The following PLA2G4D variants were observed in gnomAD, a reference collection of about 807,000 sequenced individuals.
PLA2G4D encodes phospholipase A2 group IVD.
Under a neutral mutation model 94.4 loss-of-function variants are expected in PLA2G4D, and 80 were observed. That is an observed-to-expected ratio of 0.85 (90% CI 0.71 to 1.02). The LOEUF (loss-of-function observed/expected upper bound fraction) is 1.02, where lower values mean the gene tolerates loss of function less well. Among genes scored for constraint, PLA2G4D ranks in the 50% least tolerant of loss-of-function variants. The probability of loss-of-function intolerance (pLI) is 0.00; values close to 1 mark genes in which losing one functional copy is unlikely to be tolerated. For missense variants in PLA2G4D, 1,050 were observed against 1,034.7 expected, an observed-to-expected ratio of 1.01 and a Z score of -0.20; for synonymous variants, 438 against 440.9, an observed-to-expected ratio of 0.99 and a Z score of 0.08.
Position 42,068,583 on chromosome 15 carries a change from T to A in PLA2G4D, c.*132A>T. ...TGTGTGTGCAGTTCCCTCTGGGCAGTGAGACCAGCTACAGAGGCCACCCAG... is the reference window on the plus strand; with the variant it reads ...TGTGTGTGCAGTTCCCTCTGGGCAGAGAGACCAGCTACAGAGGCCACCCAG... On this transcript the variant is annotated 3_prime_UTR_variant, in exon 20 of 20. Coordinates refer to ENST00000290472, the MANE Select transcript of PLA2G4D (RefSeq NM_178034.4). The A allele has an allele frequency of 1.3e-6, 1 of 772,700 alleles. No homozygotes were observed. The highest frequency in any genetic ancestry group is 2.0e-6 in the Non-Finnish European group (1 of 489,538). 47.9% of individuals were successfully genotyped at this position (772,700 alleles called of 1,614,324 possible).
chr15:42,083,089 A>G, intron 8 of PLA2G4D, 109 bp downstream of exon 8: 1 of 1,440,368 alleles, frequency 6.9e-7, no homozygotes, highest in Admixed American at 2.3e-5. Flanking sequence ...GAGGCTGACA[A>G]GGCCACAGGG....
intron 10 of PLA2G4D, 22 bp from the exon 11 acceptor site, chr15:42,081,636 G>A (rs1241563531): frequency 1.9e-6 from 3 of 1,613,060 alleles, no homozygotes; most frequent in Admixed American, 3.3e-5. Context: ...GAGGATCCAG[G>A]GGTCAGGGGA....
Position 42,082,905 on chromosome 15 carries a change from G to A in PLA2G4D, c.672+293C>T, listed in dbSNP as rs192424469. 2.0e-3 allele frequency among the ~76,000 whole-genome samples: 308 copies of A among 152,304 alleles called. 1 individual carries two copies. The highest frequency in any genetic ancestry group is 6.8e-3 in the African/African-American group (282 of 41,564). The stretch of plus-strand genomic sequence containing the variant: ...GGAACAAAATGAGGCGGCAGAGGTG[G>A]ACGGGTGCCAGGCTGTGCAGGGCCA... On this transcript the variant is annotated intron_variant, in intron 8 of 19. Transcript: ENST00000290472.
intron 1 of PLA2G4D, among the ~76,000 whole-genome samples, chr15:42,090,679 T>C (rs1343996408): frequency 6.6e-6 from 1 of 152,174 alleles, no homozygotes. Flanking sequence ...TGAGGCAGTT[T>C]CCAGTTGTGG....
At chr15:42,093,810 C>T (rs547812819) in intron 1 of PLA2G4D, among the ~76,000 whole-genome samples, 2 of 152,214 alleles carry the variant, frequency 1.3e-5, no homozygotes, top group Non-Finnish European at 2.9e-5. Flanking sequence ...CATTCCTGGC[C>T]ACCACCTGGG....
chr15:42,083,121 G>C, intron 8 of PLA2G4D, 77 bp downstream of exon 8: 2 of 1,543,100 alleles, frequency 1.3e-6, no homozygotes, highest in Non-Finnish European at 1.7e-6. Context: ...GGTGGGCAGG[G>C]AAGGCAGGGA....
At chr15:42,071,663 G>A (rs879485675) in intron 15 of PLA2G4D, 111 bp downstream of exon 15, 35 of 532,774 alleles carry the variant, frequency 6.6e-5, no homozygotes, top group Admixed American at 1.0e-4. Flanking sequence ...CATCCCCCCC[G>A]CCACCCCTCC....
At chr15:42,079,507 G>T (rs750384290) in intron 13 of PLA2G4D, 30 bp downstream of exon 13, 8 of 1,559,842 alleles carry the variant, frequency 5.1e-6, no homozygotes, top group Non-Finnish European at 6.0e-6. Context: ...GTGCACACAC[G>T]CGTCTCCCCC....
intron 1 of PLA2G4D, among the ~76,000 whole-genome samples, chr15:42,088,827 C>T (rs988453445): frequency 5.9e-5 from 9 of 152,076 alleles, no homozygotes; most frequent in Admixed American, 5.9e-4. Flanking sequence ...GGGAGTGGGG[C>T]AGTGGGAGCC....
chr15:42,082,305 C>T lies in PLA2G4D; in HGVS notation c.757G>A (p.Val253Met). ...PLRPLTIGKE[V>M]TMDVPAPNAP... The stretch of plus-strand genomic sequence containing the variant: ...TTTGGAGCAGGAACATCCATAGTCA[C>T]CTCCTTCCCAATGGTCAAGGGCCTC... Residue 253 changes from valine (V) to methionine (M), a missense_variant, in exon 9 of 20, where the codon GTG (valine) becomes ATG (methionine). Coordinates refer to ENST00000290472, the MANE Select transcript of PLA2G4D (RefSeq NM_178034.4). The T allele has an allele frequency of 6.2e-7, 1 of 1,614,084 alleles. No individual in the cohort carries two copies.
chr15:42,083,471 C>T, intron 7 of PLA2G4D, 137 bp from the exon 8 acceptor site: 2 of 1,351,492 alleles, frequency 1.5e-6, no homozygotes, highest in South Asian at 1.4e-5. Context: ...CTGAAAAGGG[C>T]CCTTCCCAGC....
At chr15:42,081,311 G>T (rs1388684649) in intron 11 of PLA2G4D, among the ~76,000 whole-genome samples, 168 bp downstream of exon 11, 1 of 152,216 alleles carries the variant, frequency 6.6e-6, no homozygotes. Context: ...CTCAGCTCAG[G>T]ATGGAGCTCC....
At chr15:42,075,916 G>C (rs1595592500) in intron 13 of PLA2G4D, among the ~76,000 whole-genome samples, 1 of 135,596 alleles carries the variant, frequency 7.4e-6, no homozygotes, top group African/African-American at 2.6e-5. Context: ...GGAGAGGGGA[G>C]GGGAGGGGAG....
rs535406696 is a variant in PLA2G4D, at chr15:42,068,601, C to T, written c.*114G>A. The T allele has an allele frequency of 1.0e-6, 1 of 977,332 alleles. No individual in the cohort carries two copies. Among genetic ancestry groups the T allele is most frequent in the African/African-American group, 1.6e-5 (1 of 61,164 alleles). 60.5% of individuals were successfully genotyped at this position (977,332 alleles called of 1,614,324 possible). ...TGGGCAGTGAGACCAGCTACAGAGG[C>T]CACCCAGGCCTGGGAGAGCCCAGAA... On this transcript the variant is annotated 3_prime_UTR_variant, in exon 20 of 20. Transcript: ENST00000290472.
chr15:42,087,155 C>T, intron 3 of PLA2G4D, 145 bp downstream of exon 3: 1 of 1,074,628 alleles, frequency 9.3e-7, no homozygotes, highest in Non-Finnish European at 1.4e-6. Context: ...CCCTTGCACA[C>T]AGCACAGACA....
chr15:42,086,194 T>TTGGGGGGGGCCC lies in PLA2G4D; in HGVS notation c.387+18_387+19insGGGCCCCCCCCA. 4 of 1,370,440 alleles carry TTGGGGGGGGCCC rather than the reference T, an allele frequency of 2.9e-6. No individual in the cohort carries two copies. The highest frequency in any genetic ancestry group is 3.8e-6 in the Non-Finnish European group (4 of 1,043,080). The allele number at this position is 1,370,440 out of a possible 1,614,324, so 84.9% of individuals were successfully genotyped here. ...GGAAGAAGTGGGGCCCACGGGGACT[T>TTGGGGGGGGCCC]CCCCACCCACCCACCCACCTGGGGA... is the stretch of plus-strand genomic sequence containing the variant. On this transcript the variant is annotated intron_variant, in intron 4 of 19. Transcript: ENST00000290472.
chr15:42,094,224 C>CA (rs1425468427), intron 1 of PLA2G4D, among the ~76,000 whole-genome samples, 191 bp downstream of exon 1: 2 of 152,188 alleles, frequency 1.3e-5, no homozygotes, highest in African/African-American at 4.8e-5. Flanking sequence ...TGACCAGACT[C>CA]ACGTTTCCCA....
At position 42,070,761 on chromosome 15, in the gene PLA2G4D, C is replaced by A; in HGVS notation, c.1999G>T (p.Asp667Tyr). ...GAGTAGTCGAAGGAGAGGATGAGGT[C>A]CAGCCTGCGGCCTGGCCGGAACATG... is the stretch of plus-strand genomic sequence containing the variant. ...PSMFRPGRRL[D>Y]LILSFDYSLS... Residue 667 changes from aspartate (D) to tyrosine (Y), a missense_variant, in exon 18 of 20, where the codon GAC becomes TAC. Coordinates refer to ENST00000290472, the MANE Select transcript of PLA2G4D (RefSeq NM_178034.4). 2 of 1,583,040 alleles carry A rather than the reference C, an allele frequency of 1.3e-6. No individual in the cohort carries two copies. The highest frequency in any genetic ancestry group is 2.7e-5 in the African/African-American group (2 of 74,532).
At chr15:42,085,381 A>G in intron 5 of PLA2G4D, 110 bp downstream of exon 5, 2 of 1,271,366 alleles carry the variant, frequency 1.6e-6, no homozygotes, top group Admixed American at 1.7e-5. Context: ...TGGCAGGGGT[A>G]GGAGATGAGG....
Sources: allele counts gnomAD v4.1 joint callset (sites outside exome capture counted in the v4.1 genomes callset), GRCh38; gene constraint gnomAD v4.1.1; transcripts MANE v1.5; gene names NCBI Gene and HGNC (gene_info 2026-07-23, HGNC 2026-07-21).